The following LDB2 variants were observed in gnomAD, a reference collection of about 807,000 sequenced individuals.
LDB2 encodes LIM domain-binding protein 2.
Under a neutral mutation model 44.3 loss-of-function variants are expected in LDB2, and 12 were observed. The observed-to-expected ratio is 0.27, with a 90% CI of 0.17 to 0.44. The LOEUF is 0.44. LDB2 is among the 20% of genes least tolerant of loss of function. LDB2 has a pLI of 1.00. For synonymous variants in LDB2, 164 were observed against 174.8 expected (o/e 0.94, Z 0.49); for missense variants, 344 against 473.5 (o/e 0.73, Z 2.54).
intron 2 of LDB2, among the ~76,000 whole-genome samples, chr4:16,743,954 A>G (rs1763855755): frequency 6.6e-6 from 1 of 152,156 alleles, no homozygotes; most frequent in Admixed American, 6.5e-5. Context: ...ATTGTCTCCA[A>G]TTTTTTACAC....
At chr4:16,596,887 A>G (rs2173074) in intron 2 of LDB2, among the ~76,000 whole-genome samples, 34,363 of 152,086 alleles carry the variant, frequency 0.23, 3,932 homozygotes, top group East Asian at 0.32. Flanking sequence ...TCATAATATC[A>G]GGAATTTTGC....
intron 1 of LDB2, among the ~76,000 whole-genome samples, chr4:16,776,121 G>A (rs1771841299): frequency 6.6e-6 from 1 of 152,192 alleles, no homozygotes; most frequent in Non-Finnish European, 1.5e-5. Flanking sequence ...AGGAAACTGG[G>A]TTCTGATTCT....
At chr4:16,706,908 G>T (rs1273462909) in intron 2 of LDB2, among the ~76,000 whole-genome samples, 1 of 152,076 alleles carries the variant, frequency 6.6e-6, no homozygotes, top group Non-Finnish European at 1.5e-5. Context: ...AGTAGTGTAC[G>T]AGCATAGCCT....
chr4:16,691,427 C>G (rs1334993124), intron 2 of LDB2, among the ~76,000 whole-genome samples: 1 of 152,174 alleles, frequency 6.6e-6, no homozygotes, highest in African/African-American at 2.4e-5. Context: ...ATAGGCTATT[C>G]TGTAAATAAG....
intron 2 of LDB2, among the ~76,000 whole-genome samples, chr4:16,633,390 A>T (rs1035008943): frequency 3.9e-5 from 6 of 152,162 alleles, no homozygotes; most frequent in Non-Finnish European, 7.3e-5. Context: ...TAGCTATGTA[A>T]CAAACTTGCA....
intron 2 of LDB2, among the ~76,000 whole-genome samples, chr4:16,607,269 C>A (rs1278707852): frequency 2.0e-5 from 3 of 152,180 alleles, no homozygotes; most frequent in Non-Finnish European, 4.4e-5. Flanking sequence ...TCTTTGAAAC[C>A]TTTGCTCATT....
At chr4:16,890,430 G>A (rs1381465101) in intron 1 of LDB2, among the ~76,000 whole-genome samples, 3 of 152,146 alleles carry the variant, frequency 2.0e-5, no homozygotes, top group Admixed American at 1.3e-4. Flanking sequence ...CACCAGAACA[G>A]GACAGATTCC....
In LDB2 at chr4:16,898,589, G is replaced by T. The variant is rs1294526824; in HGVS notation, c.-104C>A. The stretch of plus-strand genomic sequence containing the variant: ...GTACAAAGTAGACGCACGCACACAC[G>T]CTCACACACACACAGAGGCAGGCAG... On this transcript the variant is annotated 5_prime_UTR_variant, in exon 1 of 8. Transcript: ENST00000304523. 7.9e-6 allele frequency: 9 copies of T among 1,143,492 alleles called. No homozygotes were observed. The highest frequency in any genetic ancestry group is 6.3e-5 in the Admixed American group (3 of 47,872). 70.8% of individuals were successfully genotyped at this position (1,143,492 alleles called of 1,614,324 possible).
At chr4:16,816,071 G>A (rs550170405) in intron 1 of LDB2, among the ~76,000 whole-genome samples, 9 of 152,162 alleles carry the variant, frequency 5.9e-5, no homozygotes, top group African/African-American at 2.2e-4. Flanking sequence ...AGCCAGGTGT[G>A]GTGGTGGGCA....
intron 1 of LDB2, among the ~76,000 whole-genome samples, chr4:16,768,287 T>C (rs1256314110): frequency 6.6e-6 from 1 of 152,170 alleles, no homozygotes; most frequent in African/African-American, 2.4e-5. Flanking sequence ...TTGACTTTCT[T>C]CAGTATCTTG....
At chr4:16,643,227 C>A (rs1364886899) in intron 2 of LDB2, among the ~76,000 whole-genome samples, 1 of 152,078 alleles carries the variant, frequency 6.6e-6, no homozygotes, top group Admixed American at 6.5e-5. Context: ...CCAATGGAGG[C>A]TCCATATGTG....
chr4:16,777,491 G>C (rs149410149), intron 1 of LDB2, among the ~76,000 whole-genome samples: 1,553 of 152,216 alleles, frequency 0.01, 16 homozygotes, highest in Middle Eastern at 0.031. Context: ...AGATGAAGCT[G>C]GGGAAGCGCC....
At chr4:16,796,556 G>A (rs1186293812) in intron 1 of LDB2, among the ~76,000 whole-genome samples, 1 of 152,156 alleles carries the variant, frequency 6.6e-6, no homozygotes, top group East Asian at 1.9e-4. Flanking sequence ...AATCACAAGT[G>A]ATTTATGTAG....
chr4:16,519,195 T>A (rs1235544829), intron 5 of LDB2, among the ~76,000 whole-genome samples: 4 of 152,210 alleles, frequency 2.6e-5, no homozygotes, highest in African/African-American at 4.8e-5. Context: ...TAATAATATC[T>A]ACAGAATGCC....
chr4:16,759,905 A>G (rs1767523016), intron 1 of LDB2, among the ~76,000 whole-genome samples: 1 of 152,222 alleles, frequency 6.6e-6, no homozygotes, highest in Non-Finnish European at 1.5e-5. Flanking sequence ...AGCAGAATGC[A>G]GGCCATCCAT....
chr4:16,636,777 G>A lies in LDB2; in HGVS notation c.236-40902C>T, dbSNP rs1733726554. ...TTTTAAATTTGTAATTTATCTGCCA[G>A]CAAAAACAAAAAGAACAAAAAGCTC... On this transcript the variant is annotated intron_variant, in intron 2 of 7. Transcript: ENST00000304523. Among the ~76,000 whole-genome samples, 3 of 152,104 alleles carry A rather than the reference G, an allele frequency of 2.0e-5. No individual in the cohort carries two copies. In the South Asian group the frequency reaches 6.2e-4, roughly 31 times the overall value.
chr4:16,568,318 C>T (rs944488105), intron 5 of LDB2, among the ~76,000 whole-genome samples: 7 of 152,050 alleles, frequency 4.6e-5, no homozygotes, highest in Admixed American at 1.3e-4. Context: ...TTTCAGATAT[C>T]GAGTAGCTTA....
chr4:16,554,921 T>C (rs992860142), intron 5 of LDB2, among the ~76,000 whole-genome samples: 1 of 152,160 alleles, frequency 6.6e-6, no homozygotes, highest in Non-Finnish European at 1.5e-5. Flanking sequence ...CTATGGACTT[T>C]GGGTGATTAT....
intron 2 of LDB2, among the ~76,000 whole-genome samples, chr4:16,638,887 G>T (rs976070207): frequency 1.3e-5 from 2 of 152,190 alleles, no homozygotes; most frequent in Non-Finnish European, 2.9e-5. Flanking sequence ...GGAGCACAGA[G>T]ATGCAATCTC....
Sources: allele counts gnomAD v4.1 joint callset (sites outside exome capture counted in the v4.1 genomes callset), GRCh38; gene constraint gnomAD v4.1.1; transcripts MANE v1.5; gene names NCBI Gene and HGNC (gene_info 2026-07-23, HGNC 2026-07-21).